PELI2: variants seen among roughly 807,000 people sequenced by gnomAD.
The protein encoded by PELI2 is pellino E3 ubiquitin protein ligase family member 2, also known as E3 ubiquitin-protein ligase pellino homolog 2.
Under a neutral mutation model 42.3 loss-of-function variants are expected in PELI2, and 23 were observed. That is an observed-to-expected ratio of 0.54 (90% confidence interval 0.39 to 0.77). PELI2 has a LOEUF of 0.77. Ranked by LOEUF, PELI2 falls within the 30% of genes least tolerant of loss-of-function variation. The probability of loss-of-function intolerance (pLI) is 0.00; values close to 1 mark genes in which losing one functional copy is unlikely to be tolerated. For missense variants in PELI2, 463 were observed against 553.2 expected, an observed-to-expected ratio of 0.84 and a Z score of 1.64; for synonymous variants, 245 against 212.2, an observed-to-expected ratio of 1.15 and a Z score of -1.34.
intron 3 of PELI2, among the ~76,000 whole-genome samples, chr14:56,280,051 A>C (rs1042930952): frequency 2.6e-5 from 4 of 152,188 alleles, no homozygotes; most frequent in Non-Finnish European, 5.9e-5. Context: ...AACCACTTTT[A>C]AAAGCCAACA....
intron 1 of PELI2, among the ~76,000 whole-genome samples, chr14:56,125,412 G>A (rs1041435338): frequency 5.0e-5 from 7 of 140,474 alleles, no homozygotes; most frequent in Admixed American, 2.9e-4. Context: ...GTTATTGGGT[G>A]GGCAGGGGGG....
intron 1 of PELI2, among the ~76,000 whole-genome samples, chr14:56,127,323 G>A (rs953604543): frequency 3.3e-5 from 5 of 152,134 alleles, no homozygotes; most frequent in Admixed American, 1.3e-4. Context: ...ACAGAGATTC[G>A]AGTAGGTGGG....
chr14:56,173,858 T>C (rs1250342072), intron 1 of PELI2, among the ~76,000 whole-genome samples: 5 of 152,210 alleles, frequency 3.3e-5, no homozygotes, highest in Non-Finnish European at 5.9e-5. Context: ...TAATTACATC[T>C]GCAAACACCG....
At chr14:56,141,140 G>A (rs1883891616) in intron 1 of PELI2, among the ~76,000 whole-genome samples, 1 of 152,172 alleles carries the variant, frequency 6.6e-6, no homozygotes, top group South Asian at 2.1e-4. Context: ...TGGGAAGTCT[G>A]GGATTCCGTT....
chr14:56,285,955 C>T (rs1889631688), intron 3 of PELI2, among the ~76,000 whole-genome samples: 1 of 152,124 alleles, frequency 6.6e-6, no homozygotes, highest in African/African-American at 2.4e-5. Context: ...ATGAGATAAG[C>T]ATACAAATTG....
At chr14:56,183,447 T>A (rs546058845) in intron 2 of PELI2, among the ~76,000 whole-genome samples, 77 of 152,150 alleles carry the variant, frequency 5.1e-4, no homozygotes, top group African/African-American at 1.8e-3. Context: ...GGAAAAAAAA[T>A]TTACGAAGTA....
chr14:56,266,874 A>G (rs1383067863), intron 2 of PELI2, among the ~76,000 whole-genome samples: 1 of 152,112 alleles, frequency 6.6e-6, no homozygotes, highest in East Asian at 1.9e-4. Context: ...ACCATGCTGC[A>G]TCTATACATT....
chr14:56,146,710 A>G (rs2139613599), intron 1 of PELI2, among the ~76,000 whole-genome samples: 1 of 152,296 alleles, frequency 6.6e-6, no homozygotes, highest in Non-Finnish European at 1.5e-5. Context: ...CACAGTCTTC[A>G]TTACGGAATT....
At chr14:56,154,627 G>A (rs529528137) in intron 1 of PELI2, among the ~76,000 whole-genome samples, 1 of 152,276 alleles carries the variant, frequency 6.6e-6, no homozygotes, top group East Asian at 1.9e-4. Context: ...CCAGTCTCAG[G>A]GAAGTTCTTT....
At chr14:56,270,291 C>T (rs1037296723) in intron 2 of PELI2, among the ~76,000 whole-genome samples, 8 of 152,114 alleles carry the variant, frequency 5.3e-5, no homozygotes, top group African/African-American at 1.2e-4. Flanking sequence ...ATGGTTCCGG[C>T]GCTTGTTTGA....
intron 5 of PELI2, among the ~76,000 whole-genome samples, chr14:56,294,014 A>G (rs1889920939): frequency 6.6e-6 from 1 of 152,148 alleles, no homozygotes; most frequent in African/African-American, 2.4e-5. Context: ...GTCACCAGTT[A>G]GAGGAGAGGA....
intron 2 of PELI2, among the ~76,000 whole-genome samples, chr14:56,234,265 G>A (rs996245737): frequency 3.3e-5 from 5 of 152,172 alleles, no homozygotes; most frequent in African/African-American, 9.7e-5. Flanking sequence ...ATACCCAAAG[G>A]AGTATGAATC....
intron 2 of PELI2, among the ~76,000 whole-genome samples, chr14:56,217,798 C>T (rs1236591090): frequency 1.3e-5 from 2 of 152,132 alleles, no homozygotes; most frequent in South Asian, 2.1e-4. Context: ...GTCACTTCTC[C>T]GTGGTAGGAT....
At position 56,300,820 on chromosome 14, in the gene PELI2, C is replaced by T. The variant is rs1425497090; in HGVS notation, c.*3654C>T. The T allele has an allele frequency of 1.3e-5, 2 of 152,044 alleles. No individual in the cohort carries two copies. The highest frequency in any genetic ancestry group is 2.4e-5 in the African/African-American group (1 of 41,384). The allele number at this position is 152,044 out of a possible 1,614,324, so 9.4% of individuals were successfully genotyped here. A position where few individuals can be genotyped will look rare whatever the true frequency, so the allele number is the denominator to read the frequency against. ...AGCCTTTGTGGCTTAGGTTATGATG[C>T]GCCTCCTTCTGTGCGACCAATGAGA... is the stretch of plus-strand genomic sequence containing the variant. On this transcript the variant is annotated 3_prime_UTR_variant, in exon 6 of 6. Transcript: ENST00000267460.
intron 3 of PELI2, 61 bp downstream of exon 3, chr14:56,279,838 A>C (rs983199953): frequency 1.4e-5 from 11 of 809,202 alleles, no homozygotes; most frequent in Non-Finnish European, 2.3e-5. Context: ...TCTATTTTTT[A>C]TATGTAATCA....
chr14:56,209,065 G>A (rs1886620774), intron 2 of PELI2, among the ~76,000 whole-genome samples: 1 of 152,192 alleles, frequency 6.6e-6, no homozygotes, highest in African/African-American at 2.4e-5. Flanking sequence ...TAAGTATAAT[G>A]AAATATGTCA....
At chr14:56,283,128 C>T (rs1279465276) in intron 3 of PELI2, among the ~76,000 whole-genome samples, 10 of 152,132 alleles carry the variant, frequency 6.6e-5, no homozygotes, top group Non-Finnish European at 5.9e-5. Context: ...TAGCGACGTA[C>T]GTGTCACATA....
At position 56,180,995 on chromosome 14, in the gene PELI2, G is replaced by A. The variant is rs1375721995; in HGVS notation, c.207+2531G>A. 2.0e-5 allele frequency among the ~76,000 whole-genome samples: 3 copies of A among 152,012 alleles called. No individual in the cohort carries two copies. The highest frequency in any genetic ancestry group is 4.8e-5 in the African/African-American group (2 of 41,368). On this transcript the variant is annotated intron_variant, in intron 2 of 5. Coordinates refer to ENST00000267460, the MANE Select transcript of PELI2 (RefSeq NM_021255.3). The surrounding 1 kb of genome is among the most constrained non-coding windows in gnomAD (Gnocchi z 4.4). ...TTGTGGAACATATTTCAGTGACTCG[G>A]TACCTACCCCCGAGTCTCTTTCTCC...
Position 56,296,454 on chromosome 14 carries a change from G to C in PELI2, c.697-146G>C, listed in dbSNP as rs142848189. ...GGAAGATGAGGCTCGGGGAGGATAGGTTACTCCCCCAGTTCTGTTTTTGTG... is the reference window on the plus strand; with the variant it reads ...GGAAGATGAGGCTCGGGGAGGATAGCTTACTCCCCCAGTTCTGTTTTTGTG... On this transcript the variant is annotated intron_variant, in intron 5 of 5. Transcript: ENST00000267460. 2.0e-5 allele frequency: 12 copies of C among 608,890 alleles called. No individual in the cohort carries two copies. In the African/African-American group the frequency reaches 2.2e-4, roughly 11 times the overall value. The allele number at this position is 608,890 out of a possible 1,614,324, so 37.7% of individuals were successfully genotyped here. A position where few individuals can be genotyped will look rare whatever the true frequency, so the allele number is the denominator to read the frequency against.
Sources: gnomAD v4.1 joint callset for allele counts (sites outside exome capture counted in the v4.1 genomes callset) on GRCh38, gnomAD v4.1.1 for gene constraint, Gnocchi (gnomAD v3.1) non-coding constraint, MANE v1.5 for transcripts, NCBI Gene and HGNC (gene_info 2026-07-23, HGNC 2026-07-21) for gene names.